The following SDSL variants were observed in gnomAD, a reference collection of about 807,000 sequenced individuals.
SDSL encodes the protein serine dehydratase-like.
A neutral mutation model predicts 27.6 loss-of-function variants in SDSL; 26 were observed. That is an observed-to-expected ratio of 0.94 (90% confidence interval 0.69 to 1.31). SDSL has a LOEUF of 1.31. Ranked by LOEUF, SDSL falls within the 50% of genes most tolerant of loss-of-function variation. The probability of loss-of-function intolerance (pLI) is 0.00; values close to 1 mark genes in which losing one functional copy is unlikely to be tolerated. For missense variants in SDSL, 431 were observed against 423.5 expected (o/e 1.02, Z -0.16); for synonymous variants, 196 against 180.6 (o/e 1.09, Z -0.69).
intron 3 of SDSL, 48 bp downstream of exon 3, chr12:113,428,507 A>C (rs1369232989): frequency 6.4e-7 from 1 of 1,570,890 alleles, no homozygotes; most frequent in Admixed American, 1.8e-5. Flanking sequence ...GGGGAGGAGG[A>C]ATAGGCTGGA....
chr12:113,428,399 C>A, intron 2 of SDSL, 21 bp from the exon 3 acceptor site: 1 of 1,609,398 alleles, frequency 6.2e-7, no homozygotes, highest in East Asian at 2.2e-5. Flanking sequence ...TAGCCGCTAA[C>A]CCCATTCCTT....
chr12:113,429,703 G>A (rs952824027), intron 4 of SDSL, among the ~76,000 whole-genome samples: 1 of 152,086 alleles, frequency 6.6e-6, no homozygotes, highest in Admixed American at 6.5e-5. Context: ...TATCCACTGA[G>A]AAAGATATCA....
chr12:113,425,516 C>T (rs1388518541), intron 1 of SDSL: 1 of 372,936 alleles, frequency 2.7e-6, no homozygotes, highest in East Asian at 7.6e-5. Flanking sequence ...AGTTGCAGCG[C>T]CCCCCCTAGC....
rs1490483568 is a variant in SDSL, at chr12:113,435,420, C to G, written c.535C>G (p.Leu179Val). ...LVLAVGGGGLLAGVVAGLLEV... is the reference protein window; with the variant it reads ...LVLAVGGGGLVAGVVAGLLEV... ...GCTGGCAGTTGGGGGTGGGGGTCTCCTGGCCGGGGTGGTGGCTGGCCTGCT... is the reference window on the plus strand; with the variant it reads ...GCTGGCAGTTGGGGGTGGGGGTCTCGTGGCCGGGGTGGTGGCTGGCCTGCT... The change falls in exon 6 of 8, where the codon CTG becomes GTG. Residue 179 changes from leucine to valine, a missense_variant. Physicochemically the swap from Leu to Val is conservative, Grantham distance 32 (BLOSUM62 1). Transcript: ENST00000403593. The G allele has an allele frequency of 1.2e-6, 2 of 1,613,206 alleles. No homozygotes were observed. Among genetic ancestry groups the G allele is most frequent in the Non-Finnish European group, 1.7e-6 (2 of 1,179,660 alleles).
At chr12:113,428,817 A>C (rs1385114598) in intron 3 of SDSL, among the ~76,000 whole-genome samples, 1 of 151,938 alleles carries the variant, frequency 6.6e-6, no homozygotes, top group Non-Finnish European at 1.5e-5. Flanking sequence ...GCCTCATGGT[A>C]GCAAGATGGC....
chr12:113,431,766 T>G, intron 4 of SDSL, among the ~76,000 whole-genome samples: 1 of 143,946 alleles, frequency 6.9e-6, no homozygotes. Context: ...TTGAGACGAG[T>G]CTCGCTCTGT....
intron 4 of SDSL, among the ~76,000 whole-genome samples, chr12:113,433,295 T>A (rs970765585): frequency 6.6e-6 from 1 of 152,200 alleles, no homozygotes; most frequent in African/African-American, 2.4e-5. Flanking sequence ...TCCCTGAGGA[T>A]GAGCAGGGGC....
intron 1 of SDSL, chr12:113,425,659 CT>C (rs1957839196): frequency 2.2e-6 from 1 of 455,626 alleles, no homozygotes; most frequent in Non-Finnish European, 4.4e-6. Context: ...TCTTTTCGTC[CT>C]TACCCACTGG....
intron 3 of SDSL, among the ~76,000 whole-genome samples, chr12:113,428,724 C>G (rs1957881868): frequency 6.6e-6 from 1 of 152,138 alleles, no homozygotes; most frequent in Non-Finnish European, 1.5e-5. Context: ...GGCTTTCAGG[C>G]ACAGGGGGAT....
chr12:113,437,315 G>T (rs530115873), intron 7 of SDSL, among the ~76,000 whole-genome samples: 13 of 152,336 alleles, frequency 8.5e-5, no homozygotes, highest in African/African-American at 3.1e-4. Context: ...AGTCCCTGAC[G>T]TGTCCCTAGG....
At chr12:113,436,285 G>A (rs2136961390) in intron 6 of SDSL, among the ~76,000 whole-genome samples, 1 of 151,724 alleles carries the variant, frequency 6.6e-6, no homozygotes, top group East Asian at 1.9e-4. Flanking sequence ...GGTTCTTGGT[G>A]GATGAGCATT....
chr12:113,430,537 C>T (rs1345492533), intron 4 of SDSL, among the ~76,000 whole-genome samples: 1 of 152,150 alleles, frequency 6.6e-6, no homozygotes, highest in African/African-American at 2.4e-5. Context: ...TCTTCCCCAG[C>T]CAGTGGCCAC....
intron 1 of SDSL, among the ~76,000 whole-genome samples, chr12:113,427,593 T>A (rs1957863881): frequency 6.6e-6 from 1 of 152,148 alleles, no homozygotes; most frequent in East Asian, 1.9e-4. Context: ...AGTGGGAGGT[T>A]TTTTATGACT....
At chr12:113,437,769 A>T (rs1958016282) in intron 7 of SDSL, 117 bp from the exon 8 acceptor site, 1 of 922,952 alleles carries the variant, frequency 1.1e-6, no homozygotes, top group African/African-American at 1.7e-5. Context: ...AGCAGAGCAG[A>T]TGAATGGCTG....
chr12:113,428,470 C>CT lies in SDSL; in HGVS notation c.214+18dup, dbSNP rs753666811. The CT allele has an allele frequency of 6.2e-6, 10 of 1,610,060 alleles. No individual in the cohort carries two copies. The highest frequency in any genetic ancestry group is 1.1e-5 in the South Asian group (1 of 90,396). On this transcript the variant is annotated intron_variant, in intron 3 of 7. Transcript: ENST00000403593. ...TGGTGTGCTCCTCAGGTGACCCCAC[C>CT]TTTTTTTGTTTCATGGGCAGAGGTT...
At chr12:113,434,847 GCTCA>G (rs1593315277) in intron 5 of SDSL, among the ~76,000 whole-genome samples, 1 of 152,364 alleles carries the variant, frequency 6.6e-6, no homozygotes, top group East Asian at 1.9e-4. Flanking sequence ...AGGCGCGGTG[GCTCA>G]CGCCTGTAAT....
At chr12:113,432,581 C>T (rs967011014) in intron 4 of SDSL, among the ~76,000 whole-genome samples, 1 of 152,124 alleles carries the variant, frequency 6.6e-6, no homozygotes, top group Admixed American at 6.5e-5. Flanking sequence ...ACCTCAGGAT[C>T]TGCCTGCCTC....
Position 113,428,087 on chromosome 12 carries a change from C to T in SDSL, c.105C>T (p.Phe35=), listed in dbSNP as rs1447958223. Reference sequence around the variant, plus strand: ...CCCAGGTGGCGGGCATGCCTGTCTTCCTCAAGTGTGAGAATGTGCAGCCCA... The same window carrying T: ...CCCAGGTGGCGGGCATGCCTGTCTTTCTCAAGTGTGAGAATGTGCAGCCCA... The part of the protein sequence containing the change: ...ALSQVAGMPV[F]LKCENVQPSG... Residue 35 remains phenylalanine (F), a synonymous_variant, in exon 2 of 8, where the codon TTC becomes TTT. Coordinates refer to ENST00000403593, the MANE Select transcript of SDSL (RefSeq NM_001304993.2). The T allele has an allele frequency of 6.2e-7, 1 of 1,613,822 alleles. No individual in the cohort carries two copies. The highest frequency in any genetic ancestry group is 1.7e-5 in the Admixed American group (1 of 59,956).
chr12:113,430,390 G>T (rs1957906954), intron 4 of SDSL, among the ~76,000 whole-genome samples: 1 of 152,192 alleles, frequency 6.6e-6, no homozygotes, highest in South Asian at 2.1e-4. Context: ...GCTTGGTAAT[G>T]CTGCATAACA....
Sources: allele counts gnomAD v4.1 joint callset (sites outside exome capture counted in the v4.1 genomes callset), GRCh38; gene constraint gnomAD v4.1.1; transcripts MANE v1.5; gene names NCBI Gene and HGNC (gene_info 2026-07-23, HGNC 2026-07-21).